The following ACAP2 variants were observed in gnomAD, a reference collection of about 807,000 sequenced individuals.
ACAP2 encodes ArfGAP with coiled-coil, ankyrin repeat and PH domains 2.
In ACAP2, 39 loss-of-function variants were observed where a neutral mutation model predicts 115.8. The ratio of observed to expected loss-of-function variants is 0.34; its 90% CI spans 0.26 to 0.44. The LOEUF is 0.44. Among genes scored for constraint, ACAP2 ranks in the 20% least tolerant of loss-of-function variants. The pLI, the probability that ACAP2 is intolerant of heterozygous loss-of-function variation, is 1.00. For missense variants in ACAP2, 662 were observed against 927.6 expected (o/e 0.71, Z 3.72); for synonymous variants, 289 against 315.8 (o/e 0.92, Z 0.90).
In ACAP2 at chr3:195,292,387, A is replaced by G. The variant is rs1431724933; in HGVS notation, c.1831T>C (p.Tyr611His). Reference sequence around the variant, plus strand: ...AGGTTTTTTTCATATGACGCCCTATAAAGCTGAAGTCCTGGATTAAGATGT... The same window carrying G: ...AGGTTTTTTTCATATGACGCCCTATGAAGCTGAAGTCCTGGATTAAGATGT... Reference protein sequence around the residue: ...SKHLNPGLQLYRASYEKNLPK... With the variant: ...SKHLNPGLQLHRASYEKNLPK... The change falls in exon 19 of 23, where the codon TAT becomes CAT. Residue 611 changes from tyrosine to histidine, a missense_variant. Coordinates refer to ENST00000326793, the MANE Select transcript of ACAP2 (RefSeq NM_012287.6). The G allele has an allele frequency of 2.5e-6, 4 of 1,613,834 alleles. No individual in the cohort carries two copies. The highest frequency in any genetic ancestry group is 3.4e-6 in the Non-Finnish European group (4 of 1,180,012).
At chr3:195,379,751 G>A (rs1733822418) in intron 4 of ACAP2, among the ~76,000 whole-genome samples, 1 of 152,164 alleles carries the variant, frequency 6.6e-6, no homozygotes, top group African/African-American at 2.4e-5. Flanking sequence ...CTGTAGTGAG[G>A]TATGACTGTG....
chr3:195,369,155 T>C (rs1732947615), intron 4 of ACAP2, among the ~76,000 whole-genome samples: 1 of 152,070 alleles, frequency 6.6e-6, no homozygotes, highest in African/African-American at 2.4e-5. Context: ...TTAAATAAAT[T>C]GTAGGCCTTT....
intron 17 of ACAP2, 48 bp downstream of exon 17, chr3:195,295,660 T>G (rs753691240): frequency 1.3e-6 from 2 of 1,599,424 alleles, no homozygotes; most frequent in African/African-American, 1.3e-5. Context: ...TAAAAGTGAT[T>G]TGAGCTTAAG....
At chr3:195,427,290 G>A (rs1714755306) in intron 1 of ACAP2, among the ~76,000 whole-genome samples, 1 of 152,194 alleles carries the variant, frequency 6.6e-6, no homozygotes, top group South Asian at 2.1e-4. Flanking sequence ...TTAGCCCAGT[G>A]AGATCTGTAT....
chr3:195,418,580 C>T (rs1251943220), intron 1 of ACAP2, among the ~76,000 whole-genome samples: 5 of 152,150 alleles, frequency 3.3e-5, no homozygotes, highest in South Asian at 2.1e-4. Flanking sequence ...TACAGACACA[C>T]GCCTCCACAC....
At chr3:195,410,113 A>T (rs1713137787) in intron 1 of ACAP2, among the ~76,000 whole-genome samples, 1 of 151,986 alleles carries the variant, frequency 6.6e-6, no homozygotes, top group African/African-American at 2.4e-5. Context: ...TCCAGAATTA[A>T]CCCTCATATA....
chr3:195,324,684 G>A (rs1312532355), intron 9 of ACAP2, among the ~76,000 whole-genome samples: 1 of 152,040 alleles, frequency 6.6e-6, no homozygotes, highest in African/African-American at 2.4e-5. Flanking sequence ...AACCCAGGAG[G>A]CGGAGGTTGT....
At chr3:195,434,873 T>G (rs1577480614) in intron 1 of ACAP2, among the ~76,000 whole-genome samples, 1 of 152,240 alleles carries the variant, frequency 6.6e-6, no homozygotes, top group African/African-American at 2.4e-5. Flanking sequence ...ATCAATTATC[T>G]GTAGTATTTC....
chr3:195,336,761 T>C (rs1382390797), intron 7 of ACAP2, 171 bp downstream of exon 7: 2 of 624,354 alleles, frequency 3.2e-6, no homozygotes, highest in Non-Finnish European at 5.7e-6. Flanking sequence ...AACTGTAACA[T>C]GAAGGAGACA....
intron 1 of ACAP2, among the ~76,000 whole-genome samples, chr3:195,397,110 AG>A (rs551080491): frequency 6.6e-6 from 1 of 152,212 alleles, no homozygotes; most frequent in East Asian, 1.9e-4. Flanking sequence ...CAAAATGTGC[AG>A]ATTTTGAAAC....
intron 1 of ACAP2, among the ~76,000 whole-genome samples, chr3:195,418,942 C>G (rs1713951826): frequency 6.6e-6 from 1 of 152,112 alleles, no homozygotes; most frequent in Non-Finnish European, 1.5e-5. Context: ...TATTGAGACA[C>G]TATATAATAA....
At chr3:195,384,690 G>A (rs4677838) in intron 2 of ACAP2, among the ~76,000 whole-genome samples, 36,408 of 151,834 alleles carry the variant, frequency 0.24, 5,108 homozygotes, top group East Asian at 0.71. Flanking sequence ...TCATGCCACT[G>A]TACTCCAGCC....
chr3:195,332,066 G>A (rs1303921013), intron 8 of ACAP2, among the ~76,000 whole-genome samples: 2 of 151,252 alleles, frequency 1.3e-5, no homozygotes, highest in African/African-American at 4.9e-5. Flanking sequence ...CCTGGGAGGT[G>A]GAGCTTGCAG....
At chr3:195,312,068 T>A (rs527701654) in intron 10 of ACAP2, among the ~76,000 whole-genome samples, 1 of 151,662 alleles carries the variant, frequency 6.6e-6, no homozygotes, top group Non-Finnish European at 1.5e-5. Context: ...AAAGAAAAAA[T>A]ACATAAACAA....
chr3:195,375,382 A>G lies in ACAP2; in HGVS notation c.285+5627T>C, dbSNP rs554497015. 9.9e-5 allele frequency among the ~76,000 whole-genome samples: 15 copies of G among 151,900 alleles called. No individual in the cohort carries two copies. In the East Asian group the frequency reaches 2.5e-3, roughly 25 times the overall value. On this transcript the variant is annotated intron_variant, in intron 4 of 22. Transcript: ENST00000326793. The stretch of plus-strand genomic sequence containing the variant: ...TCCAGTGTTCCATACAAACATGACT[A>G]TCATTTTCAATCTGTGCCATGAAAT...
intron 2 of ACAP2, among the ~76,000 whole-genome samples, chr3:195,391,482 T>C (rs1734673078): frequency 6.6e-6 from 1 of 151,642 alleles, no homozygotes; most frequent in African/African-American, 2.4e-5. Flanking sequence ...CATCTCAGCC[T>C]CCCAAAGTGC....
At chr3:195,430,737 T>C (rs1715055043) in intron 1 of ACAP2, among the ~76,000 whole-genome samples, 2 of 151,362 alleles carry the variant, frequency 1.3e-5, no homozygotes, top group Non-Finnish European at 2.9e-5. Context: ...AAAAATCATA[T>C]GGGGAAACAA....
intron 6 of ACAP2, among the ~76,000 whole-genome samples, chr3:195,338,487 CT>C (rs991845349): frequency 6.6e-6 from 1 of 151,984 alleles, no homozygotes; most frequent in East Asian, 1.9e-4. Context: ...ACCTGGCTAA[CT>C]TTTTTTACTT....
At chr3:195,367,132 G>A (rs1291556080) in intron 4 of ACAP2, among the ~76,000 whole-genome samples, 1 of 151,162 alleles carries the variant, frequency 6.6e-6, no homozygotes, top group East Asian at 1.9e-4. Flanking sequence ...CTCAAACAGT[G>A]GTTTTCAAAT....
Sources: allele counts gnomAD v4.1 joint callset (sites outside exome capture counted in the v4.1 genomes callset), GRCh38; gene constraint gnomAD v4.1.1; transcripts MANE v1.5; gene names NCBI Gene and HGNC (gene_info 2026-07-23, HGNC 2026-07-21).